GFPT1: variants seen among roughly 807,000 people sequenced by gnomAD.
GFPT1 encodes glutamine--fructose-6-phosphate transaminase 1, also known as glutamine--fructose-6-phosphate aminotransferase [isomerizing] 1.
Under a neutral mutation model 92.0 loss-of-function variants are expected in GFPT1, and 40 were observed. The ratio of observed to expected loss-of-function variants is 0.43; its 90% CI spans 0.34 to 0.57. The LOEUF (loss-of-function observed/expected upper bound fraction) is 0.57, where lower values mean the gene tolerates loss of function less well. GFPT1 is among the 20% of genes least tolerant of loss of function. GFPT1 has a pLI of 0.02. For missense variants in GFPT1, 448 were observed against 869.1 expected, an observed-to-expected ratio of 0.52 and a Z score of 6.09; for synonymous variants, 269 against 280.6, an observed-to-expected ratio of 0.96 and a Z score of 0.41.
chr2:69,386,932 G>A (rs1672142872), intron 1 of GFPT1, 133 bp downstream of exon 1: 1 of 755,682 alleles, frequency 1.3e-6, no homozygotes, highest in Non-Finnish European at 2.3e-6. Flanking sequence ...CCACCACTGG[G>A]CGCCCCTTGC....
chr2:69,342,292 A>T (rs767184986), intron 12 of GFPT1, 43 bp from the exon 13 acceptor site: 1 of 1,196,054 alleles, frequency 8.4e-7, no homozygotes, highest in East Asian at 2.3e-5. Context: ...GCAAAGAACC[A>T]TGTGAACTAG....
At chr2:69,348,855 G>A (rs546348156) in intron 10 of GFPT1, among the ~76,000 whole-genome samples, 1 of 152,202 alleles carries the variant, frequency 6.6e-6, no homozygotes, top group South Asian at 2.1e-4. Context: ...GGCTCTCAGA[G>A]AGACAACAAA....
At chr2:69,364,868 G>A (rs907450047) in intron 3 of GFPT1, among the ~76,000 whole-genome samples, 6 of 151,668 alleles carry the variant, frequency 4.0e-5, no homozygotes, top group Non-Finnish European at 7.4e-5. Context: ...GGTGGTGCGC[G>A]CCTGTAATCC....
intron 3 of GFPT1, among the ~76,000 whole-genome samples, chr2:69,368,392 T>A (rs1255124783): frequency 1.3e-5 from 2 of 151,342 alleles, no homozygotes; most frequent in African/African-American, 4.9e-5. Flanking sequence ...AAAAAAAAAT[T>A]AGCTGTGAGT....
At position 69,373,990 on chromosome 2, in the gene GFPT1, A is replaced by T. The variant is rs1671812247; in HGVS notation, c.115+16T>A. ...TAAAGAATCATGCAAAATCCATAGTATTTTTTTTAAAGTACCAGCAGAATC... is the reference window on the plus strand; with the variant it reads ...TAAAGAATCATGCAAAATCCATAGTTTTTTTTTTAAAGTACCAGCAGAATC... On this transcript the variant is annotated intron_variant, in intron 2 of 19. Transcript: ENST00000357308. 5 of 1,133,608 alleles carry T rather than the reference A, an allele frequency of 4.4e-6. No individual in the cohort carries two copies. Among genetic ancestry groups the T allele is most frequent in the Non-Finnish European group, 6.7e-6 (5 of 743,818 alleles). The allele number at this position is 1,133,608 out of a possible 1,614,324, so 70.2% of individuals were successfully genotyped here.
chr2:69,348,888 C>A (rs1034083139), intron 10 of GFPT1, among the ~76,000 whole-genome samples: 1 of 152,158 alleles, frequency 6.6e-6, no homozygotes, highest in Non-Finnish European at 1.5e-5. Context: ...AATCCCTATA[C>A]CTCCTTCTCC....
chr2:69,326,165 T>C lies in GFPT1; in HGVS notation c.*24A>G, dbSNP rs775426556. On this transcript the variant is annotated 3_prime_UTR_variant, in exon 20 of 20. Coordinates refer to ENST00000357308, the MANE Select transcript of GFPT1 (RefSeq NM_001244710.2). ...TCTTGTGTTGCTTAATCATACAGTT[T>C]CGTACATTTTGTATAGATATTCCTC... 1.4e-5 allele frequency: 21 copies of C among 1,499,986 alleles called. No individual in the cohort carries two copies. The highest frequency in any genetic ancestry group is 1.9e-5 in the Non-Finnish European group (20 of 1,077,770). 92.9% of individuals were successfully genotyped at this position (1,499,986 alleles called of 1,614,324 possible).
At chr2:69,378,012 GT>G (rs974731174) in intron 1 of GFPT1, among the ~76,000 whole-genome samples, 9 of 152,126 alleles carry the variant, frequency 5.9e-5, no homozygotes, top group Non-Finnish European at 1.2e-4. Context: ...CCAATAAACA[GT>G]TTTTTGTTTT....
intron 1 of GFPT1, among the ~76,000 whole-genome samples, chr2:69,375,072 A>G (rs1294883008): frequency 1.3e-5 from 2 of 152,224 alleles, no homozygotes; most frequent in Non-Finnish European, 1.5e-5. Context: ...TGAACGGGAT[A>G]AGCAAAGAAG....
intron 1 of GFPT1, among the ~76,000 whole-genome samples, chr2:69,374,983 A>C (rs533624303): frequency 1.3e-5 from 2 of 152,352 alleles, no homozygotes; most frequent in East Asian, 1.9e-4. Flanking sequence ...ACCACATAAC[A>C]ACCCTTGAAA....
intron 15 of GFPT1, among the ~76,000 whole-genome samples, chr2:69,330,798 A>T (rs1053269929): frequency 1.3e-5 from 2 of 152,152 alleles, no homozygotes; most frequent in African/African-American, 4.8e-5. Context: ...TAATAGTACA[A>T]GTGTAATCCT....
intron 13 of GFPT1, among the ~76,000 whole-genome samples, chr2:69,341,849 T>G (rs1266197913): frequency 6.6e-6 from 1 of 152,184 alleles, no homozygotes; most frequent in Admixed American, 6.5e-5. Context: ...CTCTTACACA[T>G]GTAGGCAAGC....
At chr2:69,362,775 C>T (rs889415200) in intron 4 of GFPT1, among the ~76,000 whole-genome samples, 2 of 151,622 alleles carry the variant, frequency 1.3e-5, no homozygotes, top group Non-Finnish European at 1.5e-5. Context: ...CCAGCCTGGG[C>T]GACACAGCGA....
At position 69,354,258 on chromosome 2, in the gene GFPT1, C is replaced by T. The variant is rs767107089; in HGVS notation, c.739+1G>A. Reference sequence around the variant, plus strand: ...CCATCCATGCAGAGTGCATTTCCCACCTCTTTCTCCCTGTGATCCCCACCG... The same window carrying T: ...CCATCCATGCAGAGTGCATTTCCCATCTCTTTCTCCCTGTGATCCCCACCG... On this transcript the variant is annotated splice_donor_variant, in intron 9 of 19. Transcript: ENST00000357308. LOFTEE classifies it high-confidence loss of function. The T allele has an allele frequency of 2.5e-6, 4 of 1,583,280 alleles. No individual in the cohort carries two copies. Among genetic ancestry groups the T allele is most frequent in the Middle Eastern group, 1.7e-4 (1 of 6,046 alleles).
intron 12 of GFPT1, among the ~76,000 whole-genome samples, chr2:69,344,335 G>A (rs1238454465): frequency 6.6e-6 from 1 of 152,174 alleles, no homozygotes; most frequent in Non-Finnish European, 1.5e-5. Flanking sequence ...TCTGGTGGCT[G>A]AGGATAGTTG....
At chr2:69,345,873 T>C (rs1223113041) in intron 12 of GFPT1, 31 bp downstream of exon 12, 1 of 1,192,210 alleles carries the variant, frequency 8.4e-7, no homozygotes, top group Non-Finnish European at 1.3e-6. Flanking sequence ...TCAGAGACAC[T>C]GAAATAATAA....
At position 69,367,613 on chromosome 2, in the gene GFPT1, G is replaced by A. The variant is rs766223811; in HGVS notation, c.223+2388C>T. ...AGAGCTCAGGCAATCCGCCCACCTC[G>A]GCCTCCCAAAGTGCCAGGATTACAA... On this transcript the variant is annotated intron_variant, in intron 3 of 19. Coordinates refer to ENST00000357308, the MANE Select transcript of GFPT1 (RefSeq NM_001244710.2). Among the ~76,000 whole-genome samples, 11 of 152,092 alleles carry A rather than the reference G, an allele frequency of 7.2e-5. No homozygotes were observed. The South Asian group carries it at 1.5e-3, about 20-fold the overall frequency.
intron 15 of GFPT1, among the ~76,000 whole-genome samples, chr2:69,333,136 C>T (rs1670711159): frequency 1.3e-5 from 2 of 152,132 alleles, no homozygotes; most frequent in Admixed American, 6.5e-5. Flanking sequence ...CTCTTCCAGT[C>T]TACTTCTTCC....
chr2:69,369,246 G>GA (rs1003017470), intron 3 of GFPT1, among the ~76,000 whole-genome samples: 95 of 147,368 alleles, frequency 6.4e-4, no homozygotes, highest in East Asian at 3.4e-3. Context: ...GCTTATGTGG[G>GA]AAAAAAAAAA....
Sources: gnomAD v4.1 joint callset for allele counts (sites outside exome capture counted in the v4.1 genomes callset) on GRCh38, gnomAD v4.1.1 for gene constraint, MANE v1.5 for transcripts, NCBI Gene and HGNC (gene_info 2026-07-23, HGNC 2026-07-21) for gene names.